Variants in SLC6A15 observed in about 807,000 individuals in gnomAD.
SLC6A15 encodes the protein solute carrier family 6 member 15.
A neutral mutation model predicts 68.5 loss-of-function variants in SLC6A15; 33 were observed. The ratio of observed to expected loss-of-function variants is 0.48; its 90% CI spans 0.37 to 0.64. SLC6A15 has a LOEUF of 0.64. Ranked by LOEUF, SLC6A15 falls within the 30% of genes least tolerant of loss-of-function variation. The pLI, the probability that SLC6A15 is intolerant of heterozygous loss-of-function variation, is 0.00. For missense variants in SLC6A15, 747 were observed against 874.3 expected, an observed-to-expected ratio of 0.85 and a Z score of 1.84; for synonymous variants, 347 against 301.0, an observed-to-expected ratio of 1.15 and a Z score of -1.58.
At chr12:84,910,953 G>GTC (rs1215315102) in intron 1 of SLC6A15, among the ~76,000 whole-genome samples, 1 of 145,022 alleles carries the variant, frequency 6.9e-6, no homozygotes, top group Non-Finnish European at 1.5e-5. Context: ...GTGTGTGTGT[G>GTC]TCTTTAACCC....
chr12:84,888,257 T>G (rs1299157783), intron 2 of SLC6A15, among the ~76,000 whole-genome samples: 1 of 130,020 alleles, frequency 7.7e-6, no homozygotes, highest in African/African-American at 3.2e-5. Flanking sequence ...GAGTGAGACC[T>G]TGTCGAAAAA....
chr12:84,894,734 A>C (rs1054399743), intron 1 of SLC6A15, among the ~76,000 whole-genome samples: 5 of 152,134 alleles, frequency 3.3e-5, no homozygotes, highest in Admixed American at 3.3e-4. Context: ...AATCCTCACC[A>C]ATTTACATAA....
chr12:84,870,728 A>G (rs759282132), intron 8 of SLC6A15, 58 bp from the exon 9 acceptor site: 77 of 1,058,294 alleles, frequency 7.3e-5, no homozygotes, highest in Non-Finnish European at 9.6e-5. Flanking sequence ...CAATGGCTCT[A>G]TATGTCAGTT....
In SLC6A15 at chr12:84,892,101, AC is replaced by A. The variant is rs750051997; in HGVS notation, c.19del (p.Val7TrpfsTer2). 1 of 1,602,644 alleles carries A rather than the reference AC, an allele frequency of 6.2e-7. No homozygotes were observed. Among genetic ancestry groups the A allele is most frequent in the Non-Finnish European group, 8.5e-7 (1 of 1,174,666 alleles). ...ATCATCATCTAATTCTCTTTTTACC[AC>A]CTTGCTATTTTTGGGCATTGGAGAG... MPKNSK[V>X]VKRELDDDVT... is the part of the protein sequence containing the mutation. On this transcript the variant is annotated frameshift_variant, in exon 2 of 12. Transcript: ENST00000266682. LOFTEE classifies it high-confidence loss of function.
chr12:84,869,441 G>A (rs1017819330), intron 9 of SLC6A15, among the ~76,000 whole-genome samples: 2 of 144,372 alleles, frequency 1.4e-5, no homozygotes, highest in African/African-American at 2.6e-5. Context: ...CTCCAGCCTG[G>A]GCGACAGAGC....
chr12:84,872,840 G>C (rs1871349333), intron 7 of SLC6A15, 46 bp from the exon 8 acceptor site: 3 of 1,467,146 alleles, frequency 2.0e-6, no homozygotes, highest in Non-Finnish European at 2.8e-6. Context: ...GAGTTCTTTG[G>C]TGTATAGTTT....
At position 84,870,551 on chromosome 12, in the gene SLC6A15, A is replaced by G; in HGVS notation, c.1422T>C (p.Ser474=). The part of the protein sequence containing the change: ...FLMLVNLGLG[S]MFGTIEGIVT... ...CAATCCCTTCAATGGTTCCAAACAT[A>G]CTGCCAAGGCCTAGATTGACCAGCA... The change falls in exon 9 of 12, where the codon AGT becomes AGC. Residue 474 remains serine (S), a synonymous_variant. Transcript: ENST00000266682. The G allele has an allele frequency of 6.2e-7, 1 of 1,606,008 alleles. No homozygotes were observed. Among genetic ancestry groups the G allele is most frequent in the Non-Finnish European group, 8.5e-7 (1 of 1,175,840 alleles).
chr12:84,885,469 A>T lies in SLC6A15; in HGVS notation c.540T>A (p.Asp180Glu). ...AAGCATTTTTCACCAAAGGACACTGATCCCAAGGCAGGGGTTGCTGAAAAG... is the reference window on the plus strand; with the variant it reads ...AAGCATTTTTCACCAAAGGACACTGTTCCCAAGGCAGGGGTTGCTGAAAAG... ...SQSFQQPLPW[D>E]QCPLVKNASH... The change falls in exon 4 of 12, where the codon GAT becomes GAA. Residue 180 changes from aspartate (D) to glutamate (E), a missense_variant. Transcript: ENST00000266682. 1 of 1,613,592 alleles carries T rather than the reference A, an allele frequency of 6.2e-7. No individual in the cohort carries two copies. The highest frequency in any genetic ancestry group is 8.5e-7 in the Non-Finnish European group (1 of 1,179,706).
chr12:84,879,394 C>T (rs1871717064), intron 5 of SLC6A15, among the ~76,000 whole-genome samples: 2 of 151,614 alleles, frequency 1.3e-5, no homozygotes, highest in South Asian at 2.1e-4. Context: ...GGTGCAATCT[C>T]GGCTCACTGC....
In SLC6A15 at chr12:84,904,232, A is replaced by T. The variant is rs535743985; in HGVS notation, c.-189+8291T>A. ...GGGGGAGGGGCGGAGGGGGAGAGAG[A>T]GAGAGAGAGAGAGAGAGAAATAGTC... On this transcript the variant is annotated intron_variant, in intron 1 of 11. Coordinates refer to ENST00000266682, the MANE Select transcript of SLC6A15 (RefSeq NM_182767.6). Among the ~76,000 whole-genome samples, 78 of 151,008 alleles carry T rather than the reference A, an allele frequency of 5.2e-4. 1 individual carries two copies. Among genetic ancestry groups the T allele is most frequent in the South Asian group, 4.8e-3 (23 of 4,746 alleles).
At chr12:84,865,610 G>C (rs192234418) in intron 10 of SLC6A15, among the ~76,000 whole-genome samples, 29 of 152,270 alleles carry the variant, frequency 1.9e-4, no homozygotes, top group African/African-American at 7.0e-4. Context: ...TGTGCTCAGC[G>C]TATACATCCC....
intron 1 of SLC6A15, among the ~76,000 whole-genome samples, chr12:84,898,563 A>G (rs1054538985): frequency 6.6e-6 from 1 of 152,190 alleles, no homozygotes; most frequent in Admixed American, 6.5e-5. Context: ...TTATGATTTT[A>G]TGACCCTGGC....
chr12:84,876,410 T>C, intron 6 of SLC6A15, 87 bp downstream of exon 6: 1 of 754,258 alleles, frequency 1.3e-6, no homozygotes, highest in Non-Finnish European at 2.1e-6. Flanking sequence ...ATTAGAACAA[T>C]TATTCCTTAA....
In SLC6A15 at chr12:84,866,449, A is replaced by C. The variant is rs547370559; in HGVS notation, c.1655+585T>G. Among the ~76,000 whole-genome samples, 6 of 152,324 alleles carry C rather than the reference A, an allele frequency of 3.9e-5. No individual in the cohort carries two copies. The South Asian group carries it at 1.2e-3, about 32-fold the overall frequency. On this transcript the variant is annotated intron_variant, in intron 10 of 11. Transcript: ENST00000266682. ...GTGAATTTAAGTAATGACTCTATAT[A>C]AAAATAATGTTTCTGTGCAGCAAAT... is the stretch of plus-strand genomic sequence containing the variant.
intron 4 of SLC6A15, 61 bp from the exon 5 acceptor site, chr12:84,884,101 T>C (rs893091492): frequency 1.4e-6 from 2 of 1,396,418 alleles, no homozygotes; most frequent in Non-Finnish European, 2.0e-6. Flanking sequence ...CGACAATTTC[T>C]TTTCCAATAA....
chr12:84,865,924 A>G (rs187569818), intron 10 of SLC6A15, among the ~76,000 whole-genome samples: 3 of 152,302 alleles, frequency 2.0e-5, no homozygotes. Flanking sequence ...AGTGGGCATA[A>G]GTTTTCAACT....
intron 1 of SLC6A15, among the ~76,000 whole-genome samples, chr12:84,897,339 TTAAAG>T (rs1872674641): frequency 6.6e-6 from 1 of 151,564 alleles, no homozygotes; most frequent in Non-Finnish European, 1.5e-5. Flanking sequence ...TACAAATATC[TTAAAG>T]TAATTTAGAA....
intron 1 of SLC6A15, among the ~76,000 whole-genome samples, chr12:84,901,062 GTA>G (rs932581119): frequency 2.4e-4 from 36 of 148,520 alleles, no homozygotes; most frequent in Admixed American, 4.7e-4. Flanking sequence ...ATATGTATAC[GTA>G]TATGTGTGTG....
chr12:84,870,445 T>C (rs1871238327), intron 9 of SLC6A15, 33 bp downstream of exon 9: 1 of 1,449,498 alleles, frequency 6.9e-7, no homozygotes, highest in African/African-American at 1.4e-5. Context: ...GGCCTGGATT[T>C]GTTCAATGAA....
Sources: gnomAD v4.1 joint callset for allele counts (sites outside exome capture counted in the v4.1 genomes callset) on GRCh38, gnomAD v4.1.1 for gene constraint, MANE v1.5 for transcripts, NCBI Gene and HGNC (gene_info 2026-07-23, HGNC 2026-07-21) for gene names.